SIK2: variants seen among roughly 807,000 people sequenced by gnomAD.
SIK2 encodes serine/threonine-protein kinase SIK2.
A neutral mutation model predicts 103.2 loss-of-function variants in SIK2; 29 were observed. That is an observed-to-expected ratio of 0.28 (90% CI 0.21 to 0.38). The LOEUF (loss-of-function observed/expected upper bound fraction) is 0.38, where lower values mean the gene tolerates loss of function less well. Among genes scored for constraint, SIK2 ranks in the 10% least tolerant of loss-of-function variants. The pLI is 1.00. For missense variants in SIK2, 879 were observed against 1,171.0 expected (o/e 0.75, Z 3.64); for synonymous variants, 412 against 446.1 (o/e 0.92, Z 0.96).
chr11:111,654,653 A>G (rs1225929290), intron 3 of SIK2, among the ~76,000 whole-genome samples: 1 of 152,216 alleles, frequency 6.6e-6, no homozygotes, highest in Non-Finnish European at 1.5e-5. Context: ...CAGTTCTGAG[A>G]TAAGCATCTC....
chr11:111,655,238 CTAAAAATACAAAAAT>C (rs1942376606), intron 3 of SIK2, among the ~76,000 whole-genome samples: 1 of 152,122 alleles, frequency 6.6e-6, no homozygotes, highest in African/African-American at 2.4e-5. Flanking sequence ...CTCTTCTCTA[CTAAAAATACAAAAAT>C]TAGCCGGGCA....
At chr11:111,707,787 T>C (rs997593238) in intron 8 of SIK2, among the ~76,000 whole-genome samples, 2 of 152,208 alleles carry the variant, frequency 1.3e-5, no homozygotes, top group African/African-American at 4.8e-5. Flanking sequence ...GGAAACAACA[T>C]GATCCAGTCA....
rs751819600 is a variant in SIK2 at position 111,602,748 on chromosome 11, G to A, written c.135+50G>A. On this transcript the variant is annotated intron_variant, in intron 1 of 14. Coordinates refer to ENST00000304987, the MANE Select transcript of SIK2 (RefSeq NM_015191.3). The surrounding 1 kb of genome is among the most constrained non-coding windows in gnomAD (Gnocchi z 4.5). ...CGTCCGAGGCGAGGGTTCGGGAGAG[G>A]AGCTGCTTACCGAGAGGGGCGGCCG... The A allele has an allele frequency of 5.6e-5, 81 of 1,446,912 alleles. No homozygotes were observed. In the East Asian group the frequency reaches 1.4e-3, roughly 25 times the overall value. The allele number at this position is 1,446,912 out of a possible 1,614,324, so 89.6% of individuals were successfully genotyped here. A position where few individuals can be genotyped will look rare whatever the true frequency, so the allele number is the denominator to read the frequency against.
chr11:111,669,493 G>T (rs1040664912), intron 3 of SIK2, among the ~76,000 whole-genome samples: 1 of 152,110 alleles, frequency 6.6e-6, no homozygotes. Flanking sequence ...CTACTCTGGA[G>T]GCTAAGGCAG....
chr11:111,692,350 CAAAAAAAAAAAAAAAAAAAAAAAAA>C (rs763369049), intron 4 of SIK2, among the ~76,000 whole-genome samples: 1,324 of 26,516 alleles, frequency 0.05, 39 homozygotes, highest in African/African-American at 0.054. Context: ...GACTCAGTCT[CAAAAAAAAAAAAAAAAAAAAAAAAA>C]AAAAAAAAAA....
chr11:111,667,545 G>A (rs1942563223), intron 3 of SIK2, among the ~76,000 whole-genome samples: 1 of 145,348 alleles, frequency 6.9e-6, no homozygotes, highest in Non-Finnish European at 1.5e-5. Context: ...AGGCTGGAGT[G>A]CGGTGGCACA....
intron 3 of SIK2, among the ~76,000 whole-genome samples, chr11:111,657,936 G>T (rs1057100880): frequency 4.6e-5 from 7 of 152,046 alleles, no homozygotes; most frequent in Middle Eastern, 3.2e-3. Flanking sequence ...CGTCATGCAG[G>T]TTCAGTATTC....
In SIK2 at chr11:111,730,423, C is replaced by A. The variant is rs913308247; in HGVS notation, c.*6294C>A. Reference sequence around the variant, plus strand: ...GTGGAGAGAAAGGTTTGCTTCACTTCGGGGACTGCAGTTTGAGAAATAAAA... The same window carrying A: ...GTGGAGAGAAAGGTTTGCTTCACTTAGGGGACTGCAGTTTGAGAAATAAAA... On this transcript the variant is annotated 3_prime_UTR_variant, in exon 15 of 15. Transcript: ENST00000304987. 1 of 152,110 alleles carries A rather than the reference C, an allele frequency of 6.6e-6. No homozygotes were observed. The highest frequency in any genetic ancestry group is 1.5e-5 in the Non-Finnish European group (1 of 68,018). 9.4% of individuals were successfully genotyped at this position (152,110 alleles called of 1,614,324 possible).
chr11:111,712,295 G>T lies in SIK2; in HGVS notation c.1186G>T (p.Val396Leu), dbSNP rs142089853. The T allele has an allele frequency of 1.2e-6, 2 of 1,614,026 alleles. No individual in the cohort carries two copies. The highest frequency in any genetic ancestry group is 2.2e-5 in the East Asian group (1 of 44,892). Reference protein sequence around the residue: ...RSALLPQASNVEAFSFPASGC... With the variant: ...RSALLPQASNLEAFSFPASGC... ...TGCCCTCCTCCCCCAGGCATCCAAC[G>T]TGGAGGCCTTTTCATTTCCAGCATC... is the stretch of plus-strand genomic sequence containing the variant. The change falls in exon 9 of 15, where the codon GTG (valine) becomes TTG (leucine). Residue 396 changes from valine (V) to leucine (L), a missense_variant. Physicochemically the swap from Val to Leu is conservative, Grantham distance 32 (BLOSUM62 1). Transcript: ENST00000304987.
In SIK2 at chr11:111,701,697, G is replaced by A; in HGVS notation, c.727+122G>A. On this transcript the variant is annotated intron_variant, in intron 6 of 14. Transcript: ENST00000304987. The surrounding 1 kb of genome is among the most constrained non-coding windows in gnomAD (Gnocchi z 4.2). ...GCCAAATAAAGTGACTGAGCTGTAG[G>A]TTAAAAGCTATAGAAAGAAGCAACC... The A allele has an allele frequency of 7.8e-7, 1 of 1,286,450 alleles. No individual in the cohort carries two copies. Among genetic ancestry groups the A allele is most frequent in the East Asian group, 2.5e-5 (1 of 40,614 alleles). 79.7% of individuals were successfully genotyped at this position (1,286,450 alleles called of 1,614,324 possible).
At chr11:111,689,775 T>C (rs1018966855) in intron 4 of SIK2, among the ~76,000 whole-genome samples, 1 of 152,206 alleles carries the variant, frequency 6.6e-6, no homozygotes, top group Non-Finnish European at 1.5e-5. Context: ...TTTGTTTCTG[T>C]GCCATTTCCC....
At chr11:111,662,810 C>A (rs1430169427) in intron 3 of SIK2, among the ~76,000 whole-genome samples, 1 of 152,038 alleles carries the variant, frequency 6.6e-6, no homozygotes, top group Non-Finnish European at 1.5e-5. Context: ...CCCAGGAGAT[C>A]AAGGCTGCAG....
intron 3 of SIK2, 147 bp from the exon 4 acceptor site, chr11:111,687,854 C>T (rs1942867989): frequency 1.4e-6 from 1 of 700,416 alleles, no homozygotes; most frequent in Admixed American, 2.9e-5. Context: ...ATCTGCCCAC[C>T]TCAGCCTCCC....
chr11:111,609,116 T>C (rs1941685565), intron 1 of SIK2, among the ~76,000 whole-genome samples: 1 of 151,820 alleles, frequency 6.6e-6, no homozygotes, highest in African/African-American at 2.4e-5. Context: ...ATTCCTTTTA[T>C]AAATTTTTTT....
chr11:111,616,421 T>C, intron 2 of SIK2, 62 bp downstream of exon 2: 1 of 918,090 alleles, frequency 1.1e-6, no homozygotes, highest in Non-Finnish European at 1.7e-6. Flanking sequence ...TTTCGTATCA[T>C]GATTTTTCTT....
At chr11:111,704,936 T>A (rs376901854) in intron 7 of SIK2, 51 bp from the exon 8 acceptor site, 2 of 1,498,772 alleles carry the variant, frequency 1.3e-6, no homozygotes, top group Non-Finnish European at 1.8e-6. Flanking sequence ...GTGTAGATCA[T>A]TGCATTGGTC....
At chr11:111,623,130 T>C (rs1377133627) in intron 3 of SIK2, among the ~76,000 whole-genome samples, 3 of 152,222 alleles carry the variant, frequency 2.0e-5, no homozygotes, top group Admixed American at 2.0e-4. Context: ...GTTGAGTAGT[T>C]GCTATTTCTG....
intron 4 of SIK2, among the ~76,000 whole-genome samples, chr11:111,689,055 AG>A (rs1942888551): frequency 6.6e-6 from 1 of 152,244 alleles, no homozygotes; most frequent in African/African-American, 2.4e-5. Context: ...GAGAAGTTAG[AG>A]AAGCTTGTCA....
chr11:111,720,051 A>G (rs770157662), intron 10 of SIK2, 48 bp downstream of exon 10: 3 of 1,558,558 alleles, frequency 1.9e-6, no homozygotes, highest in African/African-American at 1.4e-5. Flanking sequence ...GCATCATGTC[A>G]TACTCCAATT....
Sources: allele counts gnomAD v4.1 joint callset (sites outside exome capture counted in the v4.1 genomes callset), GRCh38; gene constraint gnomAD v4.1.1; non-coding constraint Gnocchi (gnomAD v3.1); transcripts MANE v1.5; gene names NCBI Gene and HGNC (gene_info 2026-07-23, HGNC 2026-07-21).